TUSC3: variants seen among roughly 807,000 people sequenced by gnomAD.
TUSC3 encodes dolichyl-diphosphooligosaccharide--protein glycosyltransferase subunit TUSC3.
TUSC3 carries 45 observed loss-of-function variants against 44.8 expected under a neutral mutation model. That is an observed-to-expected ratio of 1.00 (90% confidence interval 0.79 to 1.29). The LOEUF (loss-of-function observed/expected upper bound fraction) is 1.29. Ranked by LOEUF, TUSC3 falls within the 50% of genes most tolerant of loss-of-function variation. The pLI is 0.00. For synonymous variants in TUSC3, 212 were observed against 152.9 expected, an observed-to-expected ratio of 1.39 and a Z score of -2.85; for missense variants, 519 against 437.9, an observed-to-expected ratio of 1.19 and a Z score of -1.65.
At chr8:15,563,231 G>T (rs1449810875) in intron 1 of TUSC3, among the ~76,000 whole-genome samples, 1 of 152,098 alleles carries the variant, frequency 6.6e-6, no homozygotes, top group Non-Finnish European at 1.5e-5. Flanking sequence ...ATAACTTCAT[G>T]TGTGTCAGTC....
chr8:15,559,092 G>A (rs1247973205), intron 1 of TUSC3, among the ~76,000 whole-genome samples: 4 of 145,088 alleles, frequency 2.8e-5, no homozygotes, highest in Non-Finnish European at 6.1e-5. Context: ...TAATTGTGAT[G>A]TTAGGGTGTC....
intron 2 of TUSC3, among the ~76,000 whole-genome samples, chr8:15,649,386 C>A (rs950033806): frequency 4.6e-5 from 7 of 151,822 alleles, no homozygotes; most frequent in African/African-American, 1.7e-4. Flanking sequence ...AGATCGAGAC[C>A]ATCCTGGCTA....
Position 15,511,037 on chromosome 8 carries a change from C to T in TUSC3, n.189+27554C>T, listed in dbSNP as rs530700645. Among the ~76,000 whole-genome samples the T allele has an allele frequency of 1.6e-4, 25 of 152,236 alleles. No individual in the cohort carries two copies. The South Asian group carries it at 5.2e-3, about 32-fold the overall frequency. ...AATTCAAGATCCACTGCGGATAAAA[C>T]ATTTGGCAAGCTAGGAATAGAAGAT... On this transcript the variant is annotated intron_variant and non_coding_transcript_variant, in intron 2 of 5. Coordinates refer to the TUSC3 transcript ENST00000503191.
chr8:15,434,988 G>A (rs28691130), intron 1 of TUSC3, among the ~76,000 whole-genome samples: 4,994 of 139,648 alleles, frequency 0.036, 224 homozygotes, highest in African/African-American at 0.1. Flanking sequence ...TAGTGCCGCA[G>A]TAAACATACG....
At chr8:15,520,759 T>C (rs935402268) in intron 2 of TUSC3, among the ~76,000 whole-genome samples, 1 of 152,218 alleles carries the variant, frequency 6.6e-6, no homozygotes, top group Non-Finnish European at 1.5e-5. Context: ...AGAAATTTCC[T>C]ACAAACACCA....
At chr8:15,722,459 A>C (rs1055969730) in intron 6 of TUSC3, among the ~76,000 whole-genome samples, 69 of 152,090 alleles carry the variant, frequency 4.5e-4, no homozygotes, top group Non-Finnish European at 9.9e-4. Flanking sequence ...AGGAGCTGCT[A>C]GCCCACCATT....
intron 6 of TUSC3, among the ~76,000 whole-genome samples, chr8:15,680,447 G>C (rs184938153): frequency 6.6e-6 from 1 of 152,156 alleles, no homozygotes; most frequent in East Asian, 1.9e-4. Context: ...TTCATAGATT[G>C]ATTCCTGAAA....
At chr8:15,474,209 C>T (rs770574351) in intron 1 of TUSC3, among the ~76,000 whole-genome samples, 1 of 152,162 alleles carries the variant, frequency 6.6e-6, no homozygotes, top group South Asian at 2.1e-4. Flanking sequence ...GTTGTCTTCC[C>T]TTGTTCCCTG....
At chr8:15,837,639 A>G in the TUSC3 span, among the ~76,000 whole-genome samples, 1 of 151,998 alleles carries the variant, frequency 6.6e-6, no homozygotes, top group African/African-American at 2.4e-5. Context: ...CTCACATTTA[A>G]TCTTTTTCTG....
At chr8:15,427,937 G>A (rs1301428212) in intron 1 of TUSC3, among the ~76,000 whole-genome samples, 2 of 151,900 alleles carry the variant, frequency 1.3e-5, no homozygotes, top group South Asian at 2.1e-4. Context: ...TACAGTATGA[G>A]ATAAGGATGC....
At chr8:15,687,478 G>C (rs1808686765) in intron 6 of TUSC3, among the ~76,000 whole-genome samples, 1 of 151,908 alleles carries the variant, frequency 6.6e-6, no homozygotes, top group Admixed American at 6.6e-5. Context: ...TTTCATATTT[G>C]TGTCTGTCTA....
chr8:15,724,585 T>G (rs1810426452), intron 6 of TUSC3, among the ~76,000 whole-genome samples: 1 of 152,196 alleles, frequency 6.6e-6, no homozygotes, highest in Non-Finnish European at 1.5e-5. Context: ...TCTTTTTGCT[T>G]TGGCAATAAT....
At chr8:15,663,032 A>T (rs190359706) in intron 5 of TUSC3, among the ~76,000 whole-genome samples, 5 of 152,056 alleles carry the variant, frequency 3.3e-5, no homozygotes. Flanking sequence ...GAGGGGAAAG[A>T]GATGACAGTA....
intron 2 of TUSC3, among the ~76,000 whole-genome samples, chr8:15,496,441 A>AT (rs1302397088): frequency 2.0e-5 from 3 of 152,096 alleles, no homozygotes; most frequent in Non-Finnish European, 4.4e-5. Flanking sequence ...CAAATTAGTC[A>AT]TTTTCACTTA....
At chr8:15,462,776 T>G (rs1800361977) in intron 1 of TUSC3, among the ~76,000 whole-genome samples, 1 of 152,094 alleles carries the variant, frequency 6.6e-6, no homozygotes, top group Non-Finnish European at 1.5e-5. Context: ...TTAAAGCTTT[T>G]GCTTCAGAAA....
intron 2 of TUSC3, among the ~76,000 whole-genome samples, chr8:15,636,507 G>C (rs1036753785): frequency 6.6e-6 from 1 of 152,144 alleles, no homozygotes; most frequent in Admixed American, 6.5e-5. Flanking sequence ...TGGTGGTCTT[G>C]TGAGGCAGTT....
chr8:15,512,931 C>CATATATATATATATATATATAT (rs10696221), intron 2 of TUSC3, among the ~76,000 whole-genome samples: 18 of 110,596 alleles, frequency 1.6e-4, no homozygotes, highest in African/African-American at 5.6e-4. Context: ...TATATATAAT[C>CATATATATATATATATATATAT]ATATATATAT....
the TUSC3 span, among the ~76,000 whole-genome samples, chr8:15,809,067 A>C: frequency 6.6e-6 from 1 of 152,154 alleles, no homozygotes; most frequent in Non-Finnish European, 1.5e-5. Flanking sequence ...TTTATTCAGA[A>C]AGCCAGCAAA....
chr8:15,550,041 C>T (rs563223991), intron 1 of TUSC3, among the ~76,000 whole-genome samples: 3 of 151,752 alleles, frequency 2.0e-5, no homozygotes, highest in East Asian at 2.0e-4. Context: ...GCACGGGGTA[C>T]GTGACTGGGG....
Sources: gnomAD v4.1 joint callset for allele counts (sites outside exome capture counted in the v4.1 genomes callset) on GRCh38, gnomAD v4.1.1 for gene constraint, MANE v1.5 for transcripts, NCBI Gene and HGNC (gene_info 2026-07-23, HGNC 2026-07-21) for gene names.